BSG: variants seen among roughly 807,000 people sequenced by gnomAD.
BSG encodes the protein basigin.
Under a neutral mutation model 43.1 loss-of-function variants are expected in BSG, and 37 were observed. That is an observed-to-expected ratio of 0.86 (90% CI 0.66 to 1.13). The LOEUF (loss-of-function observed/expected upper bound fraction) is 1.13, where lower values mean the gene tolerates loss of function less well. Among genes scored for constraint, BSG ranks in the 50% most tolerant of loss-of-function variants. The probability of loss-of-function intolerance (pLI) is 0.00; values close to 1 mark genes in which losing one functional copy is unlikely to be tolerated. For synonymous variants in BSG, 309 were observed against 238.7 expected (o/e 1.29, Z -2.72); for missense variants, 599 against 554.2 (o/e 1.08, Z -0.81).
upstream of BSG, chr19:571,377 C>T (rs28989771): frequency 7.0e-4 from 427 of 614,284 alleles, 1 homozygote; most frequent in African/African-American, 7.3e-3. Context: ...TAACTTCCAA[C>T]ACACACTTTC....
intron 8 of BSG, 43 bp downstream of exon 8, chr19:582,625 G>A: frequency 8.0e-7 from 1 of 1,250,346 alleles, no homozygotes; most frequent in Non-Finnish European, 1.1e-6. Flanking sequence ...TGTGGTGGGT[G>A]GGTGGGCGGG....
chr19:581,477 C>G lies in BSG; in HGVS notation c.955C>G (p.Arg319Gly). ...CCAGGCCATCATCACGCTCCGCGTG[C>G]GCAGCCACCTGGCCGCCCTCTGGCC... is the stretch of plus-strand genomic sequence containing the variant. ...SDQAIITLRV[R>G]SHLAALWPFL... The change falls in exon 6 of 9, where the codon CGC becomes GGC. Residue 319 changes from arginine (R) to glycine (G), a missense_variant. Transcript: ENST00000333511. The G allele has an allele frequency of 6.2e-7, 1 of 1,607,340 alleles. No homozygotes were observed. Among genetic ancestry groups the G allele is most frequent in the Non-Finnish European group, 8.5e-7 (1 of 1,177,596 alleles).
In BSG at chr19:582,903, C is replaced by T. The variant is rs946886781; in HGVS notation, c.*159C>T. ...CTTTTTTAAAAAAGTTGGGTTTTCT[C>T]CATTCAGGATTCTGTTCCTTAGGTT... On this transcript the variant is annotated 3_prime_UTR_variant, in exon 9 of 9. Transcript: ENST00000333511. The T allele has an allele frequency of 5.6e-5, 23 of 409,340 alleles. No homozygotes were observed. The highest frequency in any genetic ancestry group is 8.8e-5 in the Non-Finnish European group (20 of 226,678). 25.4% of individuals were successfully genotyped at this position (409,340 alleles called of 1,614,324 possible).
rs1290898958 is a variant in BSG at position 582,918 on chromosome 19, T to C, written c.*174T>C. ...TGGGTTTTCTCCATTCAGGATTCTGTTCCTTAGGTTTTTTTCCTTCTGAAG... is the reference window on the plus strand; with the variant it reads ...TGGGTTTTCTCCATTCAGGATTCTGCTCCTTAGGTTTTTTTCCTTCTGAAG... On this transcript the variant is annotated 3_prime_UTR_variant, in exon 9 of 9. Transcript: ENST00000333511. 2 of 355,842 alleles carry C rather than the reference T, an allele frequency of 5.6e-6. No homozygotes were observed. Among genetic ancestry groups the C allele is most frequent in the Non-Finnish European group, 1.0e-5 (2 of 193,116 alleles). 22.0% of individuals were successfully genotyped at this position (355,842 alleles called of 1,614,324 possible).
At chr19:580,896 G>A in intron 5 of BSG, 114 bp downstream of exon 5, 1 of 783,062 alleles carries the variant, frequency 1.3e-6, no homozygotes, top group South Asian at 2.2e-5. Context: ...CCTAGACTGG[G>A]GGTCCCGGAC....
Position 572,641 on chromosome 19 carries a change from G to C in BSG, c.7G>C (p.Ala3Pro). MA[A>P]ALFVLLGFAL... is the part of the protein sequence containing the mutation. ...CCGGCGAGGAATAGGAATCATGGCG[G>C]CTGCGCTGTTCGTGCTGCTGGGATT... The change falls in exon 1 of 9, where the codon GCT becomes CCT. Residue 3 changes from alanine to proline, a missense_variant. Physicochemically the swap from Ala to Pro is conservative, Grantham distance 27. Coordinates refer to ENST00000333511, the MANE Select transcript of BSG (RefSeq NM_001728.4). 2 of 1,504,784 alleles carry C rather than the reference G, an allele frequency of 1.3e-6. No individual in the cohort carries two copies. Among genetic ancestry groups the C allele is most frequent in the Admixed American group, 2.2e-5 (1 of 45,582 alleles). The allele number at this position is 1,504,784 out of a possible 1,614,324, so 93.2% of individuals were successfully genotyped here. A position where few individuals can be genotyped will look rare whatever the true frequency, so the allele number is the denominator to read the frequency against.
At position 581,389 on chromosome 19, in the gene BSG, C is replaced by A; in HGVS notation, c.867C>A (p.Asn289Lys). 1 of 1,612,834 alleles carries A rather than the reference C, an allele frequency of 6.2e-7. No individual in the cohort carries two copies. ...GCCGGTCAGAGCTACACATTGAGAA[C>A]CTGAACATGGAGGCCGACCCCGGCC... ...SQGRSELHIE[N>K]LNMEADPGQY... The change falls in exon 6 of 9, where the codon AAC becomes AAA. Residue 289 changes from asparagine to lysine, a missense_variant. Coordinates refer to ENST00000333511, the MANE Select transcript of BSG (RefSeq NM_001728.4).
At position 580,702 on chromosome 19, in the gene BSG, G is replaced by C. The variant is rs745577873; in HGVS notation, c.712G>C (p.Ala238Pro). Reference sequence around the variant, plus strand: ...AGAACACATCAACGAGGGGGAGACGGCCATGCTGGTCTGCAAGTCAGAGTC... The same window carrying C: ...AGAACACATCAACGAGGGGGAGACGCCCATGCTGGTCTGCAAGTCAGAGTC... ...SSEHINEGET[A>P]MLVCKSESVP... Residue 238 changes from alanine to proline, a missense_variant, in exon 5 of 9, where the codon GCC becomes CCC. Transcript: ENST00000333511. 6.2e-7 allele frequency: 1 copy of C among 1,612,870 alleles called. No homozygotes were observed. Among genetic ancestry groups the C allele is most frequent in the Admixed American group, 1.7e-5 (1 of 60,022 alleles).
chr19:572,531 C>G (rs984573774), upstream of BSG: 44 of 1,291,836 alleles, frequency 3.4e-5, no homozygotes, highest in African/African-American at 5.3e-4. Flanking sequence ...CGAGATGACG[C>G]CGTGCGTGCG....
At chr19:572,216 G>T (rs906251254), upstream of BSG, 7 of 223,280 alleles carry the variant, frequency 3.1e-5, no homozygotes, top group African/African-American at 1.6e-4. Flanking sequence ...TGGGAGTACA[G>T]ACGTGAGCCA....
chr19:572,579 C>T (rs893059078), upstream of BSG: 17 of 1,435,788 alleles, frequency 1.2e-5, no homozygotes, highest in South Asian at 1.4e-4. Flanking sequence ...TTTATAGCGG[C>T]CGCGGGCGGC....
At position 579,633 on chromosome 19, in the gene BSG, G is replaced by A. The variant is rs1005985982; in HGVS notation, c.549G>A (p.Leu183=). The change falls in exon 3 of 9, where the codon CTG becomes CTA. Residue 183 remains leucine (L), a synonymous_variant. Coordinates refer to ENST00000333511, the MANE Select transcript of BSG (RefSeq NM_001728.4). ...GCGTGGTGCTGAAGGAGGACGCGCT[G>A]CCCGGCCAGAAAACGGAGTTCAAGT... ...KGGVVLKEDA[L]PGQKTEFKVD... is the part of the protein sequence containing the mutation. 1.2e-6 allele frequency: 2 copies of A among 1,610,812 alleles called. No homozygotes were observed. Among genetic ancestry groups the A allele is most frequent in the East Asian group, 2.2e-5 (1 of 44,878 alleles).
chr19:582,764 C>A lies in BSG; in HGVS notation c.*20C>A, dbSNP rs1328433842. The A allele has an allele frequency of 9.3e-6, 6 of 644,134 alleles. No homozygotes were observed. Among genetic ancestry groups the A allele is most frequent in the Non-Finnish European group, 1.6e-5 (6 of 372,018 alleles). 39.9% of individuals were successfully genotyped at this position (644,134 alleles called of 1,614,324 possible). On this transcript the variant is annotated 3_prime_UTR_variant, in exon 9 of 9. Coordinates refer to ENST00000333511, the MANE Select transcript of BSG (RefSeq NM_001728.4). ...CCTGTCCACAGGTGGCCCGAGGACG[C>A]TCCCTGCTCCACGTCTGCGCCGCCG...
In BSG at chr19:581,333, G is replaced by C; in HGVS notation, c.811G>C (p.Glu271Gln). 6.2e-7 allele frequency: 1 copy of C among 1,612,504 alleles called. No homozygotes were observed. Among genetic ancestry groups the C allele is most frequent in the Middle Eastern group, 1.6e-4 (1 of 6,062 alleles). The change falls in exon 6 of 9, where the codon GAG becomes CAG. Residue 271 changes from glutamate (E) to glutamine (Q), a missense_variant. Coordinates refer to ENST00000333511, the MANE Select transcript of BSG (RefSeq NM_001728.4). The stretch of plus-strand genomic sequence containing the variant: ...CCCCTAGGCCCTCATGAACGGCTCC[G>C]AGAGCAGGTTCTTCGTGAGTTCCTC... ...SEDKALMNGS[E>Q]SRFFVSSSQG...
At chr19:578,877 T>C (rs1982017875) in intron 2 of BSG, 1 of 381,348 alleles carries the variant, frequency 2.6e-6, no homozygotes, top group African/African-American at 2.1e-5. Context: ...ATTACAGGCA[T>C]GAGCCAACAT....
In BSG at chr19:579,367, G is replaced by GT. The variant is rs771590790; in HGVS notation, c.416-132dup. On this transcript the variant is annotated intron_variant, in intron 2 of 8. Transcript: ENST00000333511. Reference sequence around the variant, plus strand: ...CCCTTGGGCCTCCGGTCCTCGGGGCGTAAGGGCCACGGTGTATTTTTGGGA... The same window carrying GT: ...CCCTTGGGCCTCCGGTCCTCGGGGCGTTAAGGGCCACGGTGTATTTTTGGGA... 2.3e-5 allele frequency: 29 copies of GT among 1,272,464 alleles called. No individual in the cohort carries two copies. The African/African-American group carries it at 3.5e-4, about 15-fold the overall frequency. 78.8% of individuals were successfully genotyped at this position (1,272,464 alleles called of 1,614,324 possible).
At chr19:571,546 C>T (rs140952968), upstream of BSG, 17 of 779,504 alleles carry the variant, frequency 2.2e-5, no homozygotes, top group Non-Finnish European at 2.9e-5. Context: ...GAGGCCCCCA[C>T]AATGAAGCAG....
chr19:577,680 C>T, intron 1 of BSG, 94 bp from the exon 2 acceptor site: 1 of 1,101,322 alleles, frequency 9.1e-7, no homozygotes, highest in Non-Finnish European at 1.2e-6. Flanking sequence ...TCCACCAGCC[C>T]TGGCTGGGAG....
chr19:572,642 C>A lies in BSG; in HGVS notation c.8C>A (p.Ala3Asp). ...CGGCGAGGAATAGGAATCATGGCGGCTGCGCTGTTCGTGCTGCTGGGATTC... is the reference window on the plus strand; with the variant it reads ...CGGCGAGGAATAGGAATCATGGCGGATGCGCTGTTCGTGCTGCTGGGATTC... MA[A>D]ALFVLLGFAL... Residue 3 changes from alanine (A) to aspartate (D), a missense_variant, in exon 1 of 9, where the codon GCT becomes GAT. By Grantham distance (126) the Ala-to-Asp change is moderately radical. Transcript: ENST00000333511. 1 of 1,504,102 alleles carries A rather than the reference C, an allele frequency of 6.6e-7. No homozygotes were observed. Among genetic ancestry groups the A allele is most frequent in the Non-Finnish European group, 8.9e-7 (1 of 1,124,928 alleles). 93.2% of individuals were successfully genotyped at this position (1,504,102 alleles called of 1,614,324 possible). A position where few individuals can be genotyped will look rare whatever the true frequency, so the allele number is the denominator to read the frequency against.
Sources: allele counts gnomAD v4.1 joint callset, GRCh38; gene constraint gnomAD v4.1.1; transcripts MANE v1.5; gene names NCBI Gene and HGNC (gene_info 2026-07-23, HGNC 2026-07-21).